EIF4G3: variants seen among roughly 807,000 people sequenced by gnomAD.
The protein encoded by EIF4G3 is eukaryotic translation initiation factor 4 gamma 3.
In EIF4G3, 34 loss-of-function variants were observed where a neutral mutation model predicts 186.4. That is an observed-to-expected ratio of 0.18 (90% CI 0.14 to 0.24). EIF4G3 has a LOEUF of 0.24. EIF4G3 is among the 10% of genes least tolerant of loss of function. The pLI, the probability that EIF4G3 is intolerant of heterozygous loss-of-function variation, is 1.00. For synonymous variants in EIF4G3, 673 were observed against 679.5 expected (o/e 0.99, Z 0.15); for missense variants, 1,536 against 1,948.5 (o/e 0.79, Z 3.99).
chr1:21,008,799 C>T (rs2086088289), intron 4 of EIF4G3, among the ~76,000 whole-genome samples: 1 of 151,852 alleles, frequency 6.6e-6, no homozygotes, highest in Non-Finnish European at 1.5e-5. Flanking sequence ...TGAAATAATC[C>T]CACATATATG....
At chr1:21,172,141 C>T (rs1253150622) in intron 2 of EIF4G3, among the ~76,000 whole-genome samples, 3 of 143,372 alleles carry the variant, frequency 2.1e-5, no homozygotes, top group African/African-American at 7.6e-5. Flanking sequence ...AAAAAAAAGC[C>T]TGAAACGTGA....
chr1:21,175,676 A>G (rs908305169), intron 2 of EIF4G3: 4 of 152,174 alleles, frequency 2.6e-5, no homozygotes, highest in African/African-American at 9.7e-5. Context: ...CTCGGAAACG[A>G]GCTGATTGGT....
At chr1:20,983,670 G>A (rs952966031) in intron 7 of EIF4G3, among the ~76,000 whole-genome samples, 2 of 152,138 alleles carry the variant, frequency 1.3e-5, no homozygotes, top group African/African-American at 4.8e-5. Context: ...ACAGGCAGAG[G>A]ATAAAAATCT....
chr1:21,063,664 T>G (rs1054188918), intron 3 of EIF4G3, among the ~76,000 whole-genome samples: 3 of 136,576 alleles, frequency 2.2e-5, no homozygotes, highest in Non-Finnish European at 3.1e-5. Flanking sequence ...AGTCTTTTGT[T>G]AACAACATCA....
At chr1:21,111,631 G>A (rs1355252541) in intron 2 of EIF4G3, 5 of 259,124 alleles carry the variant, frequency 1.9e-5, no homozygotes, top group Non-Finnish European at 3.1e-5. Context: ...AGGTCCGTGG[G>A]AGCATGTGAG....
intron 2 of EIF4G3, among the ~76,000 whole-genome samples, chr1:21,099,914 T>TAC (rs2096478399): frequency 6.6e-6 from 1 of 152,182 alleles, no homozygotes; most frequent in Non-Finnish European, 1.5e-5. Context: ...GTAAAACTTG[T>TAC]ACACAAATGT....
At chr1:20,908,264 G>C (rs958916259) in intron 14 of EIF4G3, among the ~76,000 whole-genome samples, 15 of 151,870 alleles carry the variant, frequency 9.9e-5, no homozygotes, top group Non-Finnish European at 1.9e-4. Flanking sequence ...AAATTTGTTT[G>C]AGTTCATTGT....
At chr1:20,831,712 C>T (rs1363675911) in intron 30 of EIF4G3, among the ~76,000 whole-genome samples, 1 of 150,456 alleles carries the variant, frequency 6.6e-6, no homozygotes, top group South Asian at 2.1e-4. Context: ...CACCCACTAA[C>T]TCGTCATCTA....
intron 13 of EIF4G3, among the ~76,000 whole-genome samples, chr1:20,942,626 A>C (rs2095763922): frequency 6.6e-6 from 1 of 152,190 alleles, no homozygotes; most frequent in Non-Finnish European, 1.5e-5. Context: ...AGGCTAAACC[A>C]TTCTTGGTTT....
intron 7 of EIF4G3, among the ~76,000 whole-genome samples, chr1:20,983,910 T>C (rs2078844121): frequency 6.6e-6 from 1 of 152,160 alleles, no homozygotes; most frequent in African/African-American, 2.4e-5. Flanking sequence ...CGGGCAATGT[T>C]TTCCAAAAAT....
chr1:20,862,191 G>T, intron 23 of EIF4G3, 37 bp downstream of exon 23: 3 of 1,272,174 alleles, frequency 2.4e-6, no homozygotes, highest in South Asian at 1.3e-5. Flanking sequence ...AAAGAGACTG[G>T]ACCAGCAGGC....
At chr1:21,020,489 C>G (rs2090421091) in intron 4 of EIF4G3, among the ~76,000 whole-genome samples, 1 of 151,376 alleles carries the variant, frequency 6.6e-6, no homozygotes, top group Admixed American at 6.6e-5. Flanking sequence ...GACCCTGTCT[C>G]AAAAATAAAT....
At position 20,904,938 on chromosome 1, in the gene EIF4G3, T is replaced by C. The variant is rs2091611150; in HGVS notation, c.1697A>G (p.Lys566Arg). Reference protein sequence around the residue: ...QIAITVPKTWKKPKDRTRTTE... With the variant: ...QIAITVPKTWRKPKDRTRTTE... Reference sequence around the variant, plus strand: ...GGTTCGGGTCCGATCTTTTGGTTTCTTCCATGTCTTTGGTACAGTTATAGC... The same window carrying C: ...GGTTCGGGTCCGATCTTTTGGTTTCCTCCATGTCTTTGGTACAGTTATAGC... The change falls in exon 15 of 37, where the codon AAG becomes AGG. Residue 566 changes from lysine (K) to arginine (R), a missense_variant. By Grantham distance (26) the Lys-to-Arg change is conservative. Coordinates refer to ENST00000602326, the MANE Select transcript of EIF4G3 (RefSeq NM_001391906.1). 6.2e-7 allele frequency: 1 copy of C among 1,613,904 alleles called. No individual in the cohort carries two copies. The highest frequency in any genetic ancestry group is 8.5e-7 in the Non-Finnish European group (1 of 1,179,978).
At chr1:20,895,963 T>C (rs1447719340) in intron 16 of EIF4G3, among the ~76,000 whole-genome samples, 1 of 135,816 alleles carries the variant, frequency 7.4e-6, no homozygotes, top group African/African-American at 2.7e-5. Context: ...TTATAATAGA[T>C]GACAGCTCTA....
intron 33 of EIF4G3, among the ~76,000 whole-genome samples, chr1:20,818,613 GCCT>G (rs1232145212): frequency 6.6e-6 from 1 of 152,012 alleles, no homozygotes; most frequent in Non-Finnish European, 1.5e-5. Flanking sequence ...CTGCTCTGCA[GCCT>G]GGCAATAGGG....
intron 2 of EIF4G3, among the ~76,000 whole-genome samples, chr1:21,126,842 T>C (rs1410415840): frequency 6.6e-6 from 1 of 152,130 alleles, no homozygotes; most frequent in African/African-American, 2.4e-5. Context: ...TTCCCTGATA[T>C]AAATGATCTA....
Position 20,899,707 on chromosome 1 carries a change from T to C in EIF4G3, c.1989A>G (p.Pro663=), listed in dbSNP as rs1301787578. ...CAGGTATAAACTTACCTGGTTTAAA[T>C]GGAAATGTAACCCCATCACCAGAAC... The part of the protein sequence containing the change: ...TDSSGDGVTF[P]FKPESWKPTD... Residue 663 remains proline (P), a synonymous_variant, in exon 16 of 37, where the codon CCA becomes CCG. Transcript: ENST00000602326. The C allele has an allele frequency of 2.5e-6, 4 of 1,614,028 alleles. No homozygotes were observed. Among genetic ancestry groups the C allele is most frequent in the African/African-American group, 1.3e-5 (1 of 74,936 alleles).
At position 20,953,946 on chromosome 1, in the gene EIF4G3, G is replaced by A. The variant is rs748389599; in HGVS notation, c.715-3835C>T. Among the ~76,000 whole-genome samples, 4 of 152,160 alleles carry A rather than the reference G, an allele frequency of 2.6e-5. 1 individual carries two copies. The South Asian group carries it at 8.3e-4, about 32-fold the overall frequency. On this transcript the variant is annotated intron_variant, in intron 12 of 36. Coordinates refer to ENST00000602326, the MANE Select transcript of EIF4G3 (RefSeq NM_001391906.1). ...ACATATTTTCTATAACTGCTTTTGT[G>A]CCACAATGGCAGAATCGAAGAGTGC...
At chr1:20,866,311 T>G (rs1416011833) in intron 20 of EIF4G3, among the ~76,000 whole-genome samples, 1 of 152,168 alleles carries the variant, frequency 6.6e-6, no homozygotes, top group Admixed American at 6.5e-5. Context: ...GCTAGAATAT[T>G]TGTACTAGAA....
Sources: gnomAD v4.1 joint callset for allele counts (sites outside exome capture counted in the v4.1 genomes callset) on GRCh38, gnomAD v4.1.1 for gene constraint, MANE v1.5 for transcripts, NCBI Gene and HGNC (gene_info 2026-07-23, HGNC 2026-07-21) for gene names.